The following OSBPL5 variants were observed in gnomAD, a reference collection of about 807,000 sequenced individuals.
OSBPL5 encodes the protein oxysterol-binding protein-related protein 5.
OSBPL5 carries 71 observed loss-of-function variants against 111.2 expected under a neutral mutation model. That is an observed-to-expected ratio of 0.64 (90% CI 0.53 to 0.78). OSBPL5 has a LOEUF of 0.78. Ranked by LOEUF, OSBPL5 falls within the 30% of genes least tolerant of loss-of-function variation. The probability of loss-of-function intolerance (pLI) is 0.00; values close to 1 mark genes in which losing one functional copy is unlikely to be tolerated. For synonymous variants in OSBPL5, 549 were observed against 513.9 expected (o/e 1.07, Z -0.93); for missense variants, 1,210 against 1,189.3 (o/e 1.02, Z -0.26).
chr11:3,125,804 CA>C (rs57633062), intron 3 of OSBPL5, among the ~76,000 whole-genome samples: 36 of 52,924 alleles, frequency 6.8e-4, no homozygotes, highest in Middle Eastern at 0.011. Context: ...GACTCCGTCT[CA>C]AAAAAAAAAA....
chr11:3,147,727 G>A (rs574837421), intron 1 of OSBPL5, among the ~76,000 whole-genome samples: 3 of 152,350 alleles, frequency 2.0e-5, no homozygotes, highest in Admixed American at 6.5e-5. Flanking sequence ...AGCGTGTCCA[G>A]GGACGCGTGG....
Position 3,107,730 on chromosome 11 carries a change from C to T in OSBPL5, c.866+41G>A, listed in dbSNP as rs1326571004. 1.2e-6 allele frequency: 2 copies of T among 1,601,700 alleles called. No individual in the cohort carries two copies. Among genetic ancestry groups the T allele is most frequent in the Non-Finnish European group, 8.5e-7 (1 of 1,176,416 alleles). On this transcript the variant is annotated intron_variant, in intron 8 of 21. Transcript: ENST00000263650. This position sits in a 1 kb window ranked among gnomAD's most constrained non-coding sequence, Gnocchi z 6.1. ...CCTCTTCCTCGCCTACAAGGAGACC[C>T]CGTGAATCACCACCAGCCCCTGTGC...
At chr11:3,145,192 C>T (rs1846300851) in intron 1 of OSBPL5, among the ~76,000 whole-genome samples, 1 of 152,214 alleles carries the variant, frequency 6.6e-6, no homozygotes. Flanking sequence ...CATCAACTTG[C>T]CCCACTGCCT....
rs1227632555 is a variant in OSBPL5, at chr11:3,165,219, C to T, written c.-25G>A. 6.6e-6 allele frequency: 1 copy of T among 150,898 alleles called. No homozygotes were observed. Among genetic ancestry groups the T allele is most frequent in the African/African-American group, 2.4e-5 (1 of 41,276 alleles). The allele number at this position is 150,898 out of a possible 1,614,324, so 9.3% of individuals were successfully genotyped here. The stretch of plus-strand genomic sequence containing the variant: ...CCCCGGGCCGCCGCGCTCCTACCTC[C>T]TACCGTGCCGCGAGCTCGGTGCTCC... On this transcript the variant is annotated 5_prime_UTR_variant, in exon 1 of 22. Transcript: ENST00000263650. This position sits in a 1 kb window ranked among gnomAD's most constrained non-coding sequence, Gnocchi z 7.4.
chr11:3,145,545 G>A (rs1050356775), intron 1 of OSBPL5, among the ~76,000 whole-genome samples: 3 of 152,238 alleles, frequency 2.0e-5, no homozygotes, highest in African/African-American at 7.2e-5. Flanking sequence ...TTCTTGGGGT[G>A]GGGGTTTGGC....
At position 3,122,055 on chromosome 11, in the gene OSBPL5, C is replaced by T. The variant is rs147898265; in HGVS notation, c.344G>A (p.Arg115Gln). ...NYRQEKKRAT[R>Q]QLLSALTDPS... The stretch of plus-strand genomic sequence containing the variant: ...GTCTGTCAGAGCGCTGAGCAGCTGC[C>T]GTGTGGCGCGCTTCTTCTCCTGCCG... The change falls in exon 5 of 22, where the codon CGG becomes CAG. Residue 115 changes from arginine to glutamine, a missense_variant. By Grantham distance (43) the Arg-to-Gln change is conservative. Coordinates refer to ENST00000263650, the MANE Select transcript of OSBPL5 (RefSeq NM_020896.4). 1.1e-5 allele frequency: 17 copies of T among 1,581,386 alleles called. No homozygotes were observed. The highest frequency in any genetic ancestry group is 9.4e-5 in the African/African-American group (7 of 74,574).
At chr11:3,101,152 T>G (rs1857441661) in intron 13 of OSBPL5, among the ~76,000 whole-genome samples, 1 of 151,956 alleles carries the variant, frequency 6.6e-6, no homozygotes, top group Non-Finnish European at 1.5e-5. Flanking sequence ...CTTTTGTATT[T>G]TTAGTAGAGA....
At chr11:3,116,755 T>C (rs1324767808) in intron 7 of OSBPL5, among the ~76,000 whole-genome samples, 3 of 148,866 alleles carry the variant, frequency 2.0e-5, no homozygotes, top group African/African-American at 7.5e-5. Flanking sequence ...CTTGGGAGGC[T>C]GAGGCAGGAG....
At chr11:3,128,209 C>A (rs1473855878) in intron 2 of OSBPL5, among the ~76,000 whole-genome samples, 2 of 152,338 alleles carry the variant, frequency 1.3e-5, no homozygotes, top group Non-Finnish European at 2.9e-5. Context: ...CCGCCCAATG[C>A]TCTCCCACTC....
intron 10 of OSBPL5, among the ~76,000 whole-genome samples, chr11:3,103,796 CTCTGCAGCCCTCTTCCTGCCTGCGCA>C (rs879677754): frequency 0.16 from 13,885 of 85,154 alleles, 1,010 homozygotes; most frequent in Middle Eastern, 0.19. Flanking sequence ...CCCTTCCTGC[CTCTGCAGCCCTCTTCCTGCCTGCGCA>C]GCCCCCTTCC....
At chr11:3,099,796 C>G (rs533734258) in intron 14 of OSBPL5, among the ~76,000 whole-genome samples, 1 of 152,056 alleles carries the variant, frequency 6.6e-6, no homozygotes, top group African/African-American at 2.4e-5. Context: ...AGGCTGGGCG[C>G]GGTGGCTCAT....
chr11:3,094,432 G>T, intron 14 of OSBPL5, 98 bp from the exon 15 acceptor site: 2 of 909,468 alleles, frequency 2.2e-6, no homozygotes, highest in South Asian at 1.4e-5. Context: ...CCTGAGTCCC[G>T]ACCCAGCAGC....
Position 3,107,785 on chromosome 11 carries a change from G to T in OSBPL5, c.852C>A (p.Asp284Glu). ...GLPASATVHP[D>E]QDLFPLNGSS... Reference sequence around the variant, plus strand: ...GCCCCACTCACGGGAACAGGTCTTGGTCTGGGTGGACGGTGGCTGAGGCTG... The same window carrying T: ...GCCCCACTCACGGGAACAGGTCTTGTTCTGGGTGGACGGTGGCTGAGGCTG... Residue 284 changes from aspartate to glutamate, a missense_variant, in exon 8 of 22, where the codon GAC becomes GAA. By Grantham distance (45) the Asp-to-Glu change is conservative (BLOSUM62 2). Transcript: ENST00000263650. This position sits in a 1 kb window ranked among gnomAD's most constrained non-coding sequence, Gnocchi z 6.1. 1 of 1,612,386 alleles carries T rather than the reference G, an allele frequency of 6.2e-7. No homozygotes were observed. The highest frequency in any genetic ancestry group is 2.2e-5 in the East Asian group (1 of 44,870).
At chr11:3,135,134 G>A (rs1039036277) in intron 1 of OSBPL5, among the ~76,000 whole-genome samples, 6 of 152,226 alleles carry the variant, frequency 3.9e-5, no homozygotes, top group African/African-American at 7.2e-5. Context: ...GCCCCCGTGC[G>A]TCTCTTTGGA....
intron 1 of OSBPL5, 143 bp from the exon 2 acceptor site, chr11:3,129,312 C>T: frequency 1.3e-6 from 1 of 776,536 alleles, no homozygotes; most frequent in Non-Finnish European, 1.8e-6. Flanking sequence ...GCCCTGGGAG[C>T]CTGGTGGTGG....
Position 3,107,903 on chromosome 11 carries a change from G to C in OSBPL5, c.734C>G (p.Ser245Cys), listed in dbSNP as rs968774458. 1.7e-5 allele frequency: 27 copies of C among 1,603,242 alleles called. No homozygotes were observed. Among genetic ancestry groups the C allele is most frequent in the Non-Finnish European group, 2.3e-5 (27 of 1,179,864 alleles). The change falls in exon 8 of 22, where the codon TCT (serine) becomes TGT (cysteine). Residue 245 changes from serine (S) to cysteine (C), a missense_variant. Transcript: ENST00000263650. The surrounding 1 kb of genome is among the most constrained non-coding windows in gnomAD (Gnocchi z 6.1). ...LDALELALRC[S>C]SLLRLGTCKP... is the part of the protein sequence containing the mutation. ...GCAGGTGCCCAGTCTCAGTAGGCTA[G>C]AGCAGCGCAGGGCCAGCTCCAGGGC...
At position 3,113,626 on chromosome 11, in the gene OSBPL5, C is replaced by A. The variant is rs1187706201; in HGVS notation, c.692-5681G>T. ...CCAAGATCGCACCACTGCACTCCAG[C>A]CTGGGAGACTAGAGCAAGACTCCGT... is the stretch of plus-strand genomic sequence containing the variant. On this transcript the variant is annotated intron_variant, in intron 7 of 21. Transcript: ENST00000263650. The surrounding 1 kb of genome is among the most constrained non-coding windows in gnomAD (Gnocchi z 4.8). Among the ~76,000 whole-genome samples, 2 of 151,564 alleles carry A rather than the reference C, an allele frequency of 1.3e-5. No individual in the cohort carries two copies. The highest frequency in any genetic ancestry group is 2.9e-5 in the Non-Finnish European group (2 of 67,948).
At position 3,094,348 on chromosome 11, in the gene OSBPL5, A is replaced by G; in HGVS notation, c.1622-14T>C. 6.2e-7 allele frequency: 1 copy of G among 1,609,762 alleles called. No individual in the cohort carries two copies. The highest frequency in any genetic ancestry group is 1.3e-5 in the African/African-American group (1 of 74,214). On this transcript the variant is annotated splice_polypyrimidine_tract_variant and intron_variant, in intron 14 of 21. Transcript: ENST00000263650. ...CATACAGGATTCCTGAAATGCAGCC[A>G]GTGTCAGGGGCCAGGCGGCCCCAGC... is the stretch of plus-strand genomic sequence containing the variant.
intron 3 of OSBPL5, among the ~76,000 whole-genome samples, chr11:3,122,852 G>A (rs377590924): frequency 1.3e-5 from 2 of 152,206 alleles, no homozygotes; most frequent in East Asian, 1.9e-4. Flanking sequence ...GGTGGAGTTC[G>A]CAGAAGAGGA....
Sources: allele counts gnomAD v4.1 joint callset (sites outside exome capture counted in the v4.1 genomes callset), GRCh38; gene constraint gnomAD v4.1.1; non-coding constraint Gnocchi (gnomAD v3.1); transcripts MANE v1.5; gene names NCBI Gene and HGNC (gene_info 2026-07-23, HGNC 2026-07-21).